The following ITGA1 variants were observed in gnomAD, a reference collection of about 807,000 sequenced individuals.
The protein encoded by ITGA1 is integrin alpha-1.
In ITGA1, 85 loss-of-function variants were observed where a neutral mutation model predicts 145.9. The observed-to-expected ratio is 0.58, with a 90% confidence interval of 0.49 to 0.70. The LOEUF (loss-of-function observed/expected upper bound fraction) is 0.70. Ranked by LOEUF, ITGA1 falls within the 30% of genes least tolerant of loss-of-function variation. ITGA1 has a pLI of 0.00. For synonymous variants in ITGA1, 520 were observed against 495.3 expected (o/e 1.05, Z -0.66); for missense variants, 1,351 against 1,418.7 (o/e 0.95, Z 0.77).
At chr5:52,898,444 T>C in intron 11 of ITGA1, 61 bp downstream of exon 11, 1 of 1,383,754 alleles carries the variant, frequency 7.2e-7, no homozygotes, top group Non-Finnish European at 9.8e-7. Flanking sequence ...ACCTTTAGCA[T>C]TATTTGCTTA....
Position 52,910,220 on chromosome 5 carries a change from G to C in ITGA1, c.1658G>C (p.Arg553Pro), listed in dbSNP as rs200679010. The C allele has an allele frequency of 6.2e-7, 1 of 1,613,778 alleles. No homozygotes were observed. Among genetic ancestry groups the C allele is most frequent in the Non-Finnish European group, 8.5e-7 (1 of 1,179,796 alleles). ...ATTAAGCAGACGTGCTGTTCATCTCGGCAGCACAATTCATGCACAACAGAA... is the reference window on the plus strand; with the variant it reads ...ATTAAGCAGACGTGCTGTTCATCTCCGCAGCACAATTCATGCACAACAGAA... ...EPIKQTCCSS[R>P]QHNSCTTENK... is the part of the protein sequence containing the mutation. Residue 553 changes from arginine (R) to proline (P), a missense_variant, in exon 14 of 29, where the codon CGG (arginine) becomes CCG (proline). Physicochemically the swap from Arg to Pro is moderately radical, Grantham distance 103 (BLOSUM62 -2). Coordinates refer to ENST00000282588, the MANE Select transcript of ITGA1 (RefSeq NM_181501.2).
chr5:52,826,085 C>T (rs550300750), intron 1 of ITGA1, among the ~76,000 whole-genome samples: 1 of 152,286 alleles, frequency 6.6e-6, no homozygotes, highest in South Asian at 2.1e-4. Context: ...CAAAGCTAGG[C>T]CTCTTGGTCC....
At chr5:52,942,018 T>C (rs1751061033) in intron 26 of ITGA1, among the ~76,000 whole-genome samples, 1 of 152,282 alleles carries the variant, frequency 6.6e-6, no homozygotes, top group Non-Finnish European at 1.5e-5. Context: ...CCCAACACCA[T>C]TTTTTGACTA....
At chr5:52,896,721 A>G (rs74379306) in intron 9 of ITGA1, among the ~76,000 whole-genome samples, 3,336 of 152,252 alleles carry the variant, frequency 0.022, 54 homozygotes, top group Non-Finnish European at 0.032. Context: ...GTTTGTGAAT[A>G]TTTTGAGAAT....
chr5:52,910,650 T>A (rs1750491617), intron 14 of ITGA1, among the ~76,000 whole-genome samples: 1 of 147,892 alleles, frequency 6.8e-6, no homozygotes, highest in African/African-American at 2.5e-5. Flanking sequence ...AGTGTATATA[T>A]AATGTGTATA....
Position 52,954,055 on chromosome 5 carries a change from G to A in ITGA1, c.*1604G>A, listed in dbSNP as rs1191255598. Reference sequence around the variant, plus strand: ...AAGATCCTGAAGGCCAAAGGAATGCGCCTGTGGGATGCCAAAGCCATCAGT... The same window carrying A: ...AAGATCCTGAAGGCCAAAGGAATGCACCTGTGGGATGCCAAAGCCATCAGT... On this transcript the variant is annotated 3_prime_UTR_variant, in exon 29 of 29. Coordinates refer to ENST00000282588, the MANE Select transcript of ITGA1 (RefSeq NM_181501.2). 4 of 152,140 alleles carry A rather than the reference G, an allele frequency of 2.6e-5. No individual in the cohort carries two copies. Among genetic ancestry groups the A allele is most frequent in the South Asian group, 2.1e-4 (1 of 4,828 alleles). 9.4% of individuals were successfully genotyped at this position (152,140 alleles called of 1,614,324 possible). A position where few individuals can be genotyped will look rare whatever the true frequency, so the allele number is the denominator to read the frequency against.
chr5:52,918,308 G>A (rs778034728), intron 15 of ITGA1, among the ~76,000 whole-genome samples: 3 of 152,152 alleles, frequency 2.0e-5, no homozygotes, highest in East Asian at 1.9e-4. Context: ...TAGAAATAGA[G>A]GAAGAGCTGA....
At chr5:52,792,628 C>A (rs1748264389) in intron 1 of ITGA1, among the ~76,000 whole-genome samples, 1 of 152,092 alleles carries the variant, frequency 6.6e-6, no homozygotes. Context: ...AATAAACTTC[C>A]CACTAGATTT....
intron 11 of ITGA1, among the ~76,000 whole-genome samples, chr5:52,898,990 G>A (rs2111831694): frequency 6.6e-6 from 1 of 152,192 alleles, no homozygotes; most frequent in East Asian, 1.9e-4. Flanking sequence ...ATACCAAGCT[G>A]AGCAACACCT....
At position 52,952,115 on chromosome 5, in the gene ITGA1, G is replaced by C. The variant is rs553166896; in HGVS notation, c.3496-292G>C. 2.6e-5 allele frequency among the ~76,000 whole-genome samples: 4 copies of C among 151,690 alleles called. No homozygotes were observed. The East Asian group carries it at 5.8e-4, about 22-fold the overall frequency. ...TGAGGCAGGAGAATCACTTGAACCC[G>C]GGTGGCGGAGGTTGCAGTGAGCGGA... On this transcript the variant is annotated intron_variant, in intron 28 of 28. Transcript: ENST00000282588.
rs1485052077 is a variant in ITGA1, at chr5:52,915,446, T to G, written c.1858-18T>G. 5 of 1,611,474 alleles carry G rather than the reference T, an allele frequency of 3.1e-6. No homozygotes were observed. Among genetic ancestry groups the G allele is most frequent in the Admixed American group, 1.7e-5 (1 of 59,290 alleles). On this transcript the variant is annotated intron_variant, in intron 14 of 28. Coordinates refer to ENST00000282588, the MANE Select transcript of ITGA1 (RefSeq NM_181501.2). ...CAGACTCTTCTCATATGAAACTCTTTTTTTTGGATTCTCACAGCGTATTCC... is the reference window on the plus strand; with the variant it reads ...CAGACTCTTCTCATATGAAACTCTTGTTTTTGGATTCTCACAGCGTATTCC...
Position 52,851,145 on chromosome 5 carries a change from G to A in ITGA1, c.182+1660G>A, listed in dbSNP as rs149668947. On this transcript the variant is annotated intron_variant, in intron 2 of 28. Coordinates refer to ENST00000282588, the MANE Select transcript of ITGA1 (RefSeq NM_181501.2). Reference sequence around the variant, plus strand: ...AAAATGAAGTATCTCTTTTAAGGATGGTTAAATATTGCTAAAATATTTTAT... The same window carrying A: ...AAAATGAAGTATCTCTTTTAAGGATAGTTAAATATTGCTAAAATATTTTAT... Among the ~76,000 whole-genome samples the A allele has an allele frequency of 6.2e-3, 937 of 152,222 alleles. 12 individuals are homozygous for A. The highest frequency in any genetic ancestry group is 0.022 in the African/African-American group (895 of 41,554).
chr5:52,903,168 A>T (rs903538224), intron 11 of ITGA1: 1 of 151,960 alleles, frequency 6.6e-6, no homozygotes, highest in Non-Finnish European at 1.5e-5. Context: ...CTCATTTTTA[A>T]AGGAGGCCTT....
intron 8 of ITGA1, chr5:52,889,572 C>G (rs1452530983): frequency 6.9e-6 from 1 of 144,248 alleles, no homozygotes; most frequent in Non-Finnish European, 1.5e-5. Context: ...CTTTAAAAAA[C>G]TACATGTAGA....
intron 18 of ITGA1, 124 bp from the exon 19 acceptor site, chr5:52,925,154 A>C: frequency 1.5e-6 from 1 of 667,724 alleles, no homozygotes; most frequent in Admixed American, 2.5e-5. Context: ...TTTTGCAGGG[A>C]AATTCTCCTT....
intron 9 of ITGA1, among the ~76,000 whole-genome samples, chr5:52,894,240 A>G (rs2111825232): frequency 6.6e-6 from 1 of 152,272 alleles, no homozygotes; most frequent in African/African-American, 2.4e-5. Context: ...AGCTACTACA[A>G]GAGTGCTCTT....
chr5:52,861,657 G>A, intron 3 of ITGA1, 98 bp downstream of exon 3: 1 of 731,228 alleles, frequency 1.4e-6, no homozygotes, highest in East Asian at 2.5e-5. Flanking sequence ...TATCGTTTGA[G>A]CCCAGGAGTT....
intron 2 of ITGA1, among the ~76,000 whole-genome samples, chr5:52,858,418 A>G (rs1264451450): frequency 3.9e-5 from 6 of 152,204 alleles, no homozygotes; most frequent in Admixed American, 3.3e-4. Flanking sequence ...GACCTATTCA[A>G]TATTGCAATA....
chr5:52,814,732 A>T (rs1748737815), intron 1 of ITGA1, among the ~76,000 whole-genome samples: 1 of 152,100 alleles, frequency 6.6e-6, no homozygotes, highest in South Asian at 2.1e-4. Context: ...GAGGTATTAA[A>T]AAAAAAGGGG....
Sources: allele counts gnomAD v4.1 joint callset (sites outside exome capture counted in the v4.1 genomes callset), GRCh38; gene constraint gnomAD v4.1.1; transcripts MANE v1.5; gene names NCBI Gene and HGNC (gene_info 2026-07-23, HGNC 2026-07-21).